NCKAP5: variants seen among roughly 807,000 people sequenced by gnomAD.
The protein encoded by NCKAP5 is nck-associated protein 5.
Under a neutral mutation model 167.0 loss-of-function variants are expected in NCKAP5, and 92 were observed. The ratio of observed to expected loss-of-function variants is 0.55; its 90% CI spans 0.47 to 0.66. The LOEUF (loss-of-function observed/expected upper bound fraction) is 0.66, where lower values mean the gene tolerates loss of function less well. NCKAP5 is among the 30% of genes least tolerant of loss of function. The probability of loss-of-function intolerance (pLI) is 0.00; values close to 1 mark genes in which losing one functional copy is unlikely to be tolerated. For synonymous variants in NCKAP5, 891 were observed against 877.4 expected, an observed-to-expected ratio of 1.02 and a Z score of -0.27; for missense variants, 2,378 against 2,315.0, an observed-to-expected ratio of 1.03 and a Z score of -0.56.
At chr2:132,845,616 C>A (rs1688603920) in intron 11 of NCKAP5, among the ~76,000 whole-genome samples, 1 of 152,130 alleles carries the variant, frequency 6.6e-6, no homozygotes, top group Non-Finnish European at 1.5e-5. Flanking sequence ...ACTTCTCCTC[C>A]CTCAATCTAT....
chr2:133,037,168 T>C (rs4560171), intron 6 of NCKAP5, among the ~76,000 whole-genome samples: 75,700 of 151,928 alleles, frequency 0.5, 20,777 homozygotes, highest in African/African-American at 0.72. Context: ...ATAAATGGAA[T>C]AACATTCCAT....
intron 18 of NCKAP5, among the ~76,000 whole-genome samples, 191 bp from the exon 19 acceptor site, chr2:132,725,950 T>C (rs563675257): frequency 6.6e-6 from 1 of 152,256 alleles, no homozygotes; most frequent in Non-Finnish European, 1.5e-5. Flanking sequence ...GAGGAGCTGA[T>C]GCTGTCTACT....
At chr2:132,924,094 C>T (rs1258814861) in intron 8 of NCKAP5, among the ~76,000 whole-genome samples, 1 of 152,182 alleles carries the variant, frequency 6.6e-6, no homozygotes, top group Non-Finnish European at 1.5e-5. Context: ...CAGAGAAGCC[C>T]CCTTGGGCAG....
intron 16 of NCKAP5, among the ~76,000 whole-genome samples, chr2:132,761,273 G>T (rs747900018): frequency 1.3e-5 from 2 of 151,714 alleles, no homozygotes; most frequent in Non-Finnish European, 3.0e-5. Flanking sequence ...TTCTGGGTAG[G>T]GTGAATGGTG....
chr2:132,781,177 A>T lies in NCKAP5; in HGVS notation c.4924T>A (p.Cys1642Ser), dbSNP rs535808267. 1 of 1,613,990 alleles carries T rather than the reference A, an allele frequency of 6.2e-7. No individual in the cohort carries two copies. Among genetic ancestry groups the T allele is most frequent in the South Asian group, 1.1e-5 (1 of 91,078 alleles). Reference sequence around the variant, plus strand: ...GAACTGCCCTTTAACACATTCCTGCAGGAAGCATTACTTGATCCACTTTCT... The same window carrying T: ...GAACTGCCCTTTAACACATTCCTGCTGGAAGCATTACTTGATCCACTTTCT... ...QTESGSSNAS[C>S]RNVLKGSSQG... Residue 1642 changes from cysteine to serine, a missense_variant, in exon 15 of 20, where the codon TGC (cysteine) becomes AGC (serine). By Grantham distance (112) the Cys-to-Ser change is moderately radical (BLOSUM62 -1). Coordinates refer to ENST00000409261, the MANE Select transcript of NCKAP5 (RefSeq NM_207363.3).
intron 4 of NCKAP5, among the ~76,000 whole-genome samples, chr2:133,227,881 CGGTAT>C (rs1472203159): frequency 6.6e-6 from 1 of 152,114 alleles, no homozygotes; most frequent in Non-Finnish European, 1.5e-5. Context: ...TTATTGAATG[CGGTAT>C]GGTATTTCAG....
At chr2:133,281,290 T>C (rs1381336592) in intron 4 of NCKAP5, among the ~76,000 whole-genome samples, 1 of 152,262 alleles carries the variant, frequency 6.6e-6, no homozygotes, top group African/African-American at 2.4e-5. Flanking sequence ...TAGTTGCTTA[T>C]ATCATTTCAA....
intron 8 of NCKAP5, among the ~76,000 whole-genome samples, chr2:132,891,749 CA>C (rs923716851): frequency 6.6e-6 from 1 of 152,188 alleles, no homozygotes; most frequent in African/African-American, 2.4e-5. Flanking sequence ...TTTCCTTGCC[CA>C]GGGGGATATA....
intron 5 of NCKAP5, among the ~76,000 whole-genome samples, chr2:133,130,545 C>T (rs769687261): frequency 6.6e-6 from 1 of 152,134 alleles, no homozygotes; most frequent in Non-Finnish European, 1.5e-5. Flanking sequence ...TATAGAAGGA[C>T]CAAAAATTTC....
chr2:133,577,147 C>T, the NCKAP5 span, among the ~76,000 whole-genome samples: 1 of 152,098 alleles, frequency 6.6e-6, no homozygotes. Flanking sequence ...CTCATCTCAC[C>T]CTAGGAGGGG....
intron 11 of NCKAP5, among the ~76,000 whole-genome samples, chr2:132,859,529 A>T (rs58007459): frequency 0.27 from 41,262 of 152,096 alleles, 6,083 homozygotes; most frequent in East Asian, 0.45. Context: ...CTTAATTTTA[A>T]TTTAATTTAA....
At position 132,773,984 on chromosome 2, in the gene NCKAP5, A is replaced by C. The variant is rs181267014; in HGVS notation, c.5050-90T>G. 3.6e-4 allele frequency: 380 copies of C among 1,059,752 alleles called. 1 individual carries two copies. The African/African-American group carries it at 5.3e-3, about 15-fold the overall frequency. 65.6% of individuals were successfully genotyped at this position (1,059,752 alleles called of 1,614,324 possible). A position where few individuals can be genotyped will look rare whatever the true frequency, so the allele number is the denominator to read the frequency against. ...TCAGAGTAATGGTACATTCTATAAC[A>C]AATATGTGGGCATAGGTGTGAGTGT... On this transcript the variant is annotated intron_variant, in intron 15 of 19. Coordinates refer to ENST00000409261, the MANE Select transcript of NCKAP5 (RefSeq NM_207363.3).
At chr2:133,349,489 G>A (rs1044323951) in intron 3 of NCKAP5, among the ~76,000 whole-genome samples, 8 of 152,266 alleles carry the variant, frequency 5.3e-5, no homozygotes, top group South Asian at 2.1e-4. Context: ...CTTCCTCGAC[G>A]GCACTTGACA....
intron 5 of NCKAP5, among the ~76,000 whole-genome samples, chr2:133,193,399 G>A (rs1484464449): frequency 6.6e-6 from 1 of 151,918 alleles, no homozygotes; most frequent in African/African-American, 2.4e-5. Context: ...GGAGGAAATT[G>A]GGTAAAGGGT....
At chr2:133,462,931 C>A (rs975361297) in intron 3 of NCKAP5, among the ~76,000 whole-genome samples, 1 of 152,218 alleles carries the variant, frequency 6.6e-6, no homozygotes, top group African/African-American at 2.4e-5. Context: ...ATTGGTTTCA[C>A]CTGTGAAACA....
intron 2 of NCKAP5, among the ~76,000 whole-genome samples, chr2:133,528,665 C>G (rs925223091): frequency 1.3e-5 from 2 of 152,184 alleles, no homozygotes; most frequent in Non-Finnish European, 2.9e-5. Context: ...CTTATGATGA[C>G]TTAGTTCTTT....
chr2:133,293,425 C>T (rs533588410), intron 4 of NCKAP5, among the ~76,000 whole-genome samples: 131 of 152,234 alleles, frequency 8.6e-4, no homozygotes, highest in African/African-American at 3.0e-3. Context: ...TAATGAAGAT[C>T]GATCCCAAGG....
chr2:133,346,263 A>G (rs1272769610), intron 3 of NCKAP5, among the ~76,000 whole-genome samples: 3 of 152,188 alleles, frequency 2.0e-5, no homozygotes, highest in Non-Finnish European at 4.4e-5. Context: ...CATCTATTTG[A>G]AAGGGCTGCA....
intron 3 of NCKAP5, among the ~76,000 whole-genome samples, chr2:133,461,886 T>C (rs1692220921): frequency 7.6e-6 from 1 of 130,976 alleles, no homozygotes; most frequent in Non-Finnish European, 1.6e-5. Context: ...ATTTCCAATA[T>C]CAAAGTCTCT....
Sources: allele counts gnomAD v4.1 joint callset (sites outside exome capture counted in the v4.1 genomes callset), GRCh38; gene constraint gnomAD v4.1.1; transcripts MANE v1.5; gene names NCBI Gene and HGNC (gene_info 2026-07-23, HGNC 2026-07-21).